Variants in LARGE1 observed in about 807,000 individuals in gnomAD.
LARGE1 encodes the protein xylosyl- and glucuronyltransferase LARGE1.
Under a neutral mutation model 87.6 loss-of-function variants are expected in LARGE1, and 43 were observed. The ratio of observed to expected loss-of-function variants is 0.49; its 90% CI spans 0.38 to 0.63. The LOEUF is 0.63. Ranked by LOEUF, LARGE1 falls within the 30% of genes least tolerant of loss-of-function variation. The pLI, the probability that LARGE1 is intolerant of heterozygous loss-of-function variation, is 0.00. For missense variants in LARGE1, 802 were observed against 1,000.2 expected, an observed-to-expected ratio of 0.80 and a Z score of 2.67; for synonymous variants, 434 against 394.6, an observed-to-expected ratio of 1.10 and a Z score of -1.18.
At chr22:33,464,254 A>G (rs2068497775) in intron 6 of LARGE1, among the ~76,000 whole-genome samples, 1 of 152,240 alleles carries the variant, frequency 6.6e-6, no homozygotes, top group Non-Finnish European at 1.5e-5. Context: ...AAGGAGTTAA[A>G]TGTGAAAGGC....
intron 1 of LARGE1, among the ~76,000 whole-genome samples, chr22:33,854,215 A>G (rs2063692927): frequency 7.2e-6 from 1 of 139,614 alleles, no homozygotes; most frequent in African/African-American, 3.0e-5. Flanking sequence ...TTAAGGGGAA[A>G]AAAAAAAAAA....
chr22:33,857,320 G>GA (rs1377711827), intron 1 of LARGE1, among the ~76,000 whole-genome samples: 1 of 152,156 alleles, frequency 6.6e-6, no homozygotes, highest in African/African-American at 2.4e-5. Context: ...AAGGGCAGGA[G>GA]AAAAAAATCC....
chr22:33,802,258 C>T (rs5754680), intron 1 of LARGE1, among the ~76,000 whole-genome samples: 1 of 152,234 alleles, frequency 6.6e-6, no homozygotes, highest in South Asian at 2.1e-4. Flanking sequence ...CTTATTCCCA[C>T]TGCAAATGGC....
intron 6 of LARGE1, among the ~76,000 whole-genome samples, chr22:33,509,643 G>C (rs980671506): frequency 6.6e-6 from 1 of 151,722 alleles, no homozygotes; most frequent in Admixed American, 6.6e-5. Flanking sequence ...GTACAGATAG[G>C]GTCTTGCTAT....
rs556483004 is a variant in LARGE1 at position 33,623,759 on chromosome 22, G to A, written c.491+2485C>T. Among the ~76,000 whole-genome samples the A allele has an allele frequency of 3.9e-5, 6 of 152,024 alleles. 1 individual carries two copies. Among genetic ancestry groups the A allele is most frequent in the South Asian group, 4.2e-4 (2 of 4,804 alleles). ...CTAAAGAGTTAAAATGGCTGGGGGC[G>A]GTGGCTCACACCTGTAATCCCAGCA... On this transcript the variant is annotated intron_variant, in intron 4 of 14. Transcript: ENST00000397394.
chr22:33,315,974 C>T, intron 11 of LARGE1, 111 bp downstream of exon 11: 1 of 1,264,440 alleles, frequency 7.9e-7, no homozygotes, highest in Non-Finnish European at 1.1e-6. Flanking sequence ...CCTGCTCCAT[C>T]CTCCAATTTT....
intron 2 of LARGE1, among the ~76,000 whole-genome samples, chr22:33,671,342 T>C (rs2081406766): frequency 1.3e-5 from 2 of 152,216 alleles, no homozygotes; most frequent in African/African-American, 4.8e-5. Flanking sequence ...TCATGAGATG[T>C]CTAGAGAATG....
intron 9 of LARGE1, among the ~76,000 whole-genome samples, chr22:33,377,336 G>T (rs2065022226): frequency 6.6e-6 from 1 of 152,140 alleles, no homozygotes. Context: ...GTCTTGGACT[G>T]GTGTCAACTT....
At chr22:33,772,811 T>C (rs2085112436) in intron 1 of LARGE1, among the ~76,000 whole-genome samples, 2 of 151,962 alleles carry the variant, frequency 1.3e-5, no homozygotes, top group Admixed American at 6.6e-5. Context: ...TCAAGGTATA[T>C]CCAGACGCAT....
intron 6 of LARGE1, among the ~76,000 whole-genome samples, chr22:33,460,835 T>C (rs1005572707): frequency 2.6e-5 from 4 of 152,210 alleles, no homozygotes. Context: ...TTTGCCTGTC[T>C]TAGCCTTGGG....
chr22:33,483,283 C>T (rs1325743531), intron 6 of LARGE1, among the ~76,000 whole-genome samples: 1 of 152,112 alleles, frequency 6.6e-6, no homozygotes. Context: ...ATCCAGCTCT[C>T]TCTCTTAGAG....
At chr22:33,145,769 A>T in the LARGE1 span, among the ~76,000 whole-genome samples, 2 of 152,208 alleles carry the variant, frequency 1.3e-5, no homozygotes, top group Non-Finnish European at 1.5e-5. Context: ...GTATCATTCA[A>T]TGGTGAATAG....
chr22:33,521,164 G>A (rs1271031062), intron 6 of LARGE1, among the ~76,000 whole-genome samples: 2 of 152,202 alleles, frequency 1.3e-5, no homozygotes, highest in African/African-American at 4.8e-5. Context: ...AGAAATACGT[G>A]GTTCTTAAAA....
chr22:33,156,205 C>T, the LARGE1 span, among the ~76,000 whole-genome samples: 1 of 152,172 alleles, frequency 6.6e-6, no homozygotes, highest in Non-Finnish European at 1.5e-5. Context: ...CCTAGTGGAG[C>T]TGTGAGAAGA....
intron 2 of LARGE1, among the ~76,000 whole-genome samples, chr22:33,705,311 A>G (rs547283491): frequency 5.9e-5 from 9 of 152,258 alleles, no homozygotes; most frequent in Non-Finnish European, 1.0e-4. Flanking sequence ...TTTAGAGTCT[A>G]TATTTGGAGA....
chr22:33,545,890 C>T (rs2077349269), intron 6 of LARGE1, among the ~76,000 whole-genome samples: 2 of 152,168 alleles, frequency 1.3e-5, no homozygotes, highest in African/African-American at 4.8e-5. Context: ...GCCCTGGACA[C>T]CCATTTTAAC....
chr22:33,175,372 T>C (rs1034348621), intron 11 of LARGE1, among the ~76,000 whole-genome samples: 1 of 152,154 alleles, frequency 6.6e-6, no homozygotes, highest in Admixed American at 6.6e-5. Flanking sequence ...ATTGTCTCTG[T>C]TTGCAGATGA....
chr22:33,710,700 G>C (rs1221987364), intron 2 of LARGE1, among the ~76,000 whole-genome samples: 1 of 152,170 alleles, frequency 6.6e-6, no homozygotes, highest in Non-Finnish European at 1.5e-5. Flanking sequence ...CAACAGCTCT[G>C]CTGTCATTTG....
intron 1 of LARGE1, among the ~76,000 whole-genome samples, chr22:33,836,149 A>G (rs1288984032): frequency 6.6e-6 from 1 of 152,220 alleles, no homozygotes; most frequent in Non-Finnish European, 1.5e-5. Context: ...TGCTTCCTAC[A>G]GAGCTGGTGT....
Sources: gnomAD v4.1 joint callset for allele counts (sites outside exome capture counted in the v4.1 genomes callset) on GRCh38, gnomAD v4.1.1 for gene constraint, MANE v1.5 for transcripts, NCBI Gene and HGNC (gene_info 2026-07-23, HGNC 2026-07-21) for gene names.